The following AP3D1 variants were observed in gnomAD, a reference collection of about 807,000 sequenced individuals.
AP3D1 encodes the protein AP-3 complex subunit delta-1.
AP3D1 carries 51 observed loss-of-function variants against 147.6 expected under a neutral mutation model. That is an observed-to-expected ratio of 0.35 (90% CI 0.28 to 0.44). The LOEUF (loss-of-function observed/expected upper bound fraction) is 0.44. AP3D1 is among the 20% of genes least tolerant of loss of function. AP3D1 has a pLI of 1.00. For missense variants in AP3D1, 1,421 were observed against 1,624.2 expected (o/e 0.87, Z 2.15); for synonymous variants, 760 against 663.0 (o/e 1.15, Z -2.25).
In AP3D1 at chr19:2,114,209, C is replaced by A; in HGVS notation, c.2517G>T (p.Lys839Asn). The change falls in exon 22 of 32, where the codon AAG becomes AAT. Residue 839 changes from lysine (K) to asparagine (N), a missense_variant. Coordinates refer to ENST00000643116, the MANE Select transcript of AP3D1 (RefSeq NM_001261826.3). ...SPEKDVPMVE[K>N]KSKKPKKKEK... Reference sequence around the variant, plus strand: ...CTTTCTTCTTGGGTTTCTTGCTCTTCTTTTCTACCATGGGAACGTCCTTCT... The same window carrying A: ...CTTTCTTCTTGGGTTTCTTGCTCTTATTTTCTACCATGGGAACGTCCTTCT... The A allele has an allele frequency of 6.2e-7, 1 of 1,612,060 alleles. No homozygotes were observed.
At chr19:2,142,743 G>C (rs569046328) in intron 1 of AP3D1, among the ~76,000 whole-genome samples, 10 of 148,772 alleles carry the variant, frequency 6.7e-5, no homozygotes, top group African/African-American at 2.4e-4. Context: ...GGGGCTCTGA[G>C]GGGTTTTTTC....
chr19:2,116,812 C>T, intron 16 of AP3D1, 66 bp from the exon 17 acceptor site: 1 of 1,508,232 alleles, frequency 6.6e-7, no homozygotes, highest in Non-Finnish European at 8.9e-7. Context: ...GGCGTCCGCC[C>T]TGAGCAGGCT....
chr19:2,136,797 C>T (rs530517583), intron 4 of AP3D1, among the ~76,000 whole-genome samples: 3 of 152,326 alleles, frequency 2.0e-5, no homozygotes, highest in South Asian at 2.1e-4. Context: ...ACTCAGCATC[C>T]CTCCACCTCA....
intron 14 of AP3D1, among the ~76,000 whole-genome samples, chr19:2,119,699 C>CAAAAA (rs954635585): frequency 2.4e-4 from 6 of 25,358 alleles, no homozygotes; most frequent in South Asian, 1.7e-3. Context: ...GACTCTGTCT[C>CAAAAA]AAAAAAAAAA....
chr19:2,133,667 C>T lies in AP3D1; in HGVS notation c.355-1089G>A, dbSNP rs528818841. Among the ~76,000 whole-genome samples the T allele has an allele frequency of 9.9e-5, 15 of 152,214 alleles. No individual in the cohort carries two copies. The East Asian group carries it at 2.1e-3, about 22-fold the overall frequency. ...TACAGGTGCGTGTCACCACGCCTGG[C>T]TAATTTTTGTATTTTTAGTACAGAT... On this transcript the variant is annotated intron_variant, in intron 4 of 31. Coordinates refer to ENST00000643116, the MANE Select transcript of AP3D1 (RefSeq NM_001261826.3).
upstream of AP3D1, among the ~76,000 whole-genome samples, chr19:2,156,534 C>T (rs1445582493): frequency 6.6e-6 from 1 of 151,310 alleles, no homozygotes; most frequent in Non-Finnish European, 1.5e-5. Context: ...CATCCATCCA[C>T]CCACCAATCA....
intron 3 of AP3D1, among the ~76,000 whole-genome samples, chr19:2,137,505 G>A (rs1410113873): frequency 2.0e-5 from 3 of 151,984 alleles, no homozygotes; most frequent in Non-Finnish European, 4.4e-5. Context: ...TAGTAGAGAT[G>A]GGGTTTCACC....
intron 1 of AP3D1, among the ~76,000 whole-genome samples, chr19:2,146,786 G>C (rs2019368080): frequency 6.6e-6 from 1 of 152,130 alleles, no homozygotes; most frequent in Admixed American, 6.6e-5. Flanking sequence ...AATTCTGGGA[G>C]ACTTTTCTTA....
intron 1 of AP3D1, among the ~76,000 whole-genome samples, chr19:2,148,146 CA>C (rs5826756): frequency 0.43 from 42,384 of 97,870 alleles, 6,257 homozygotes; most frequent in Non-Finnish European, 0.51. Context: ...GACTCCGTCT[CA>C]AAAAAAAAAA....
At chr19:2,102,601 G>A (rs1006079971) in intron 31 of AP3D1, among the ~76,000 whole-genome samples, 2 of 152,038 alleles carry the variant, frequency 1.3e-5, no homozygotes, top group Admixed American at 1.3e-4. Flanking sequence ...GGTGGCGGGT[G>A]CCTGTAGTCC....
Position 2,117,217 on chromosome 19 carries a change from C to A in AP3D1, c.1859+5G>T, listed in dbSNP as rs771516194. On this transcript the variant is annotated splice_donor_5th_base_variant and intron_variant, in intron 16 of 31. Transcript: ENST00000643116. ...GTTGCAATGCCCCCACCCCCGTATC[C>A]TTACCCTTCGGGGACTGGAACCTTC... 1 of 1,603,074 alleles carries A rather than the reference C, an allele frequency of 6.2e-7. No homozygotes were observed. Among genetic ancestry groups the A allele is most frequent in the Non-Finnish European group, 8.5e-7 (1 of 1,174,530 alleles).
At chr19:2,141,997 T>C (rs1385379760) in intron 1 of AP3D1, among the ~76,000 whole-genome samples, 1 of 149,808 alleles carries the variant, frequency 6.7e-6, no homozygotes, top group Non-Finnish European at 1.5e-5. Flanking sequence ...TATACATTTA[T>C]TTACATATAT....
chr19:2,108,592 C>T (rs973907918), intron 31 of AP3D1, 95 bp downstream of exon 31: 1 of 1,205,460 alleles, frequency 8.3e-7, no homozygotes, highest in Admixed American at 2.1e-5. Flanking sequence ...CTCGAGCCCT[C>T]TAAGTCCCAA....
chr19:2,102,688 A>G (rs1006099417), intron 31 of AP3D1, among the ~76,000 whole-genome samples: 4 of 151,898 alleles, frequency 2.6e-5, no homozygotes, highest in South Asian at 4.2e-4. Flanking sequence ...AGATCGCGCC[A>G]CTGCACTCCA....
At chr19:2,102,590 G>T in intron 31 of AP3D1, among the ~76,000 whole-genome samples, 1 of 151,986 alleles carries the variant, frequency 6.6e-6, no homozygotes, top group East Asian at 1.9e-4. Flanking sequence ...TAGCCAGGCA[G>T]GGTGGCGGGT....
At chr19:2,109,480 G>A (rs1468670491) in intron 29 of AP3D1, 1 of 506,644 alleles carries the variant, frequency 2.0e-6, no homozygotes, top group Non-Finnish European at 3.5e-6. Context: ...ATGTCCTGTA[G>A]GAAGGGACTG....
intron 1 of AP3D1, among the ~76,000 whole-genome samples, chr19:2,162,429 C>T (rs1599510678): frequency 6.7e-6 from 1 of 149,942 alleles, no homozygotes; most frequent in Non-Finnish European, 1.5e-5. Flanking sequence ...CTGAGGAGGG[C>T]GGATCACTTG....
chr19:2,164,328 AC>A, intron 1 of AP3D1: 1 of 1,146,724 alleles, frequency 8.7e-7, no homozygotes, highest in Non-Finnish European at 1.1e-6. Flanking sequence ...CCCTGGGGAC[AC>A]CCCAAACCCC....
chr19:2,125,339 A>T (rs567277003), intron 9 of AP3D1, among the ~76,000 whole-genome samples: 40 of 152,050 alleles, frequency 2.6e-4, no homozygotes, highest in Admixed American at 9.2e-4. Context: ...TTTTGAGAAG[A>T]AGTTTCGCTC....
Sources: allele counts gnomAD v4.1 joint callset (sites outside exome capture counted in the v4.1 genomes callset), GRCh38; gene constraint gnomAD v4.1.1; transcripts MANE v1.5; gene names NCBI Gene and HGNC (gene_info 2026-07-23, HGNC 2026-07-21).